Variants in ZC2HC1A observed in about 807,000 individuals in gnomAD.
The protein encoded by ZC2HC1A is zinc finger C2HC domain-containing protein 1A.
A neutral mutation model predicts 40.7 loss-of-function variants in ZC2HC1A; 28 were observed. The ratio of observed to expected loss-of-function variants is 0.69; its 90% CI spans 0.51 to 0.94. The LOEUF is 0.94. ZC2HC1A is among the 40% of genes least tolerant of loss of function. ZC2HC1A has a pLI of 0.00. For synonymous variants in ZC2HC1A, 129 were observed against 129.2 expected, an observed-to-expected ratio of 1.00 and a Z score of 0.01; for missense variants, 389 against 386.3, an observed-to-expected ratio of 1.01 and a Z score of -0.06.
chr8:78,710,059 T>G (rs1810905487), intron 7 of ZC2HC1A, among the ~76,000 whole-genome samples: 1 of 152,198 alleles, frequency 6.6e-6, no homozygotes, highest in Non-Finnish European at 1.5e-5. Context: ...ATGTTAAAGT[T>G]TATTTCAAAT....
intron 7 of ZC2HC1A, among the ~76,000 whole-genome samples, chr8:78,710,977 C>T (rs2130601341): frequency 6.6e-6 from 1 of 152,180 alleles, no homozygotes; most frequent in South Asian, 2.1e-4. Context: ...TCTTTTCAGA[C>T]ACTAAACTCC....
At chr8:78,681,901 C>CTTTTTTTTTTTTTTTTT (rs56181953) in intron 3 of ZC2HC1A, among the ~76,000 whole-genome samples, 5 of 126,470 alleles carry the variant, frequency 4.0e-5, no homozygotes, top group African/African-American at 2.8e-5. Flanking sequence ...CTTTTTCTTT[C>CTTTTTTTTTTTTTTTTT]TTTTTTTTTT....
rs1271124162 is a variant in ZC2HC1A at position 78,696,698 on chromosome 8, G to A, written c.505-709G>A. 5.9e-5 allele frequency among the ~76,000 whole-genome samples: 9 copies of A among 152,288 alleles called. No individual in the cohort carries two copies. In the East Asian group the frequency reaches 1.7e-3, roughly 29 times the overall value. On this transcript the variant is annotated intron_variant, in intron 5 of 8. Transcript: ENST00000263849. ...CATTAATTTAAGATGGTCTGGTGAG[G>A]ATCGTGAAGCCAGAATTAGCTCTTT...
At position 78,719,448 on chromosome 8, in the gene ZC2HC1A, A is replaced by T. The variant is rs1811197736; in HGVS notation, c.*1955A>T. 1 of 151,810 alleles carries T rather than the reference A, an allele frequency of 6.6e-6. No individual in the cohort carries two copies. The highest frequency in any genetic ancestry group is 1.5e-5 in the Non-Finnish European group (1 of 67,704). 9.4% of individuals were successfully genotyped at this position (151,810 alleles called of 1,614,324 possible). A position where few individuals can be genotyped will look rare whatever the true frequency, so the allele number is the denominator to read the frequency against. On this transcript the variant is annotated 3_prime_UTR_variant, in exon 9 of 9. Coordinates refer to ENST00000263849, the MANE Select transcript of ZC2HC1A (RefSeq NM_016010.3). ...TATGACTTACGAAATATGTTGTGAC[A>T]ATATATTTAAATGCATTTTTATATT... is the stretch of plus-strand genomic sequence containing the variant.
intron 7 of ZC2HC1A, among the ~76,000 whole-genome samples, chr8:78,701,806 T>C (rs11988923): frequency 0.16 from 23,964 of 152,224 alleles, 2,054 homozygotes; most frequent in Middle Eastern, 0.3. Context: ...GATTTGCATA[T>C]GCGGAGTCAA....
intron 3 of ZC2HC1A, among the ~76,000 whole-genome samples, chr8:78,686,147 A>G (rs1189080450): frequency 1.3e-5 from 2 of 152,194 alleles, no homozygotes; most frequent in East Asian, 1.9e-4. Flanking sequence ...TATAATGGCA[A>G]TTACATTTTA....
rs1036807732 is a variant in ZC2HC1A, at chr8:78,676,092, A to T, written c.93+229A>T. The T allele has an allele frequency of 1.1e-5, 4 of 353,388 alleles. No homozygotes were observed. In the East Asian group the frequency reaches 1.7e-4, roughly 15 times the overall value. 21.9% of individuals were successfully genotyped at this position (353,388 alleles called of 1,614,324 possible). On this transcript the variant is annotated intron_variant, in intron 2 of 8. Coordinates refer to ENST00000263849, the MANE Select transcript of ZC2HC1A (RefSeq NM_016010.3). ...CTGTTAAAGTTTAAAGGTATTCCTCATTTTACGAGACTCTTACCAAAAACA... is the reference window on the plus strand; with the variant it reads ...CTGTTAAAGTTTAAAGGTATTCCTCTTTTTACGAGACTCTTACCAAAAACA...
intron 7 of ZC2HC1A, among the ~76,000 whole-genome samples, chr8:78,705,107 G>C (rs1317652091): frequency 6.6e-6 from 1 of 152,136 alleles, no homozygotes; most frequent in Non-Finnish European, 1.5e-5. Context: ...TTTCATTTCA[G>C]CTGTCTCAGC....
chr8:78,697,976 G>A (rs1007573175), intron 6 of ZC2HC1A, among the ~76,000 whole-genome samples: 6 of 151,984 alleles, frequency 3.9e-5, no homozygotes, highest in Non-Finnish European at 5.9e-5. Flanking sequence ...CCGTGGTGCC[G>A]AGCCACTTTT....
At chr8:78,693,388 C>T (rs1025884949) in intron 5 of ZC2HC1A, among the ~76,000 whole-genome samples, 16 of 152,274 alleles carry the variant, frequency 1.1e-4, no homozygotes, top group Admixed American at 2.0e-4. Flanking sequence ...TCCTCTCCAG[C>T]ACCTGTTGTT....
At chr8:78,666,412 C>CCCTGGCAAGACGCCTGCA (rs1809299302) in intron 1 of ZC2HC1A, among the ~76,000 whole-genome samples, 3 of 152,234 alleles carry the variant, frequency 2.0e-5, no homozygotes, top group African/African-American at 7.2e-5. Flanking sequence ...CAGATCCTGC[C>CCCTGGCAAGACGCCTGCA]CCTGGCAAGA....
chr8:78,698,587 T>C (rs1810508321), intron 7 of ZC2HC1A, 74 bp downstream of exon 7: 1 of 1,161,194 alleles, frequency 8.6e-7, no homozygotes, highest in Admixed American at 2.8e-5. Flanking sequence ...GTTTTGATAA[T>C]TGCTTTTTCA....
At chr8:78,690,356 A>G (rs1288164736) in intron 5 of ZC2HC1A, among the ~76,000 whole-genome samples, 2 of 152,112 alleles carry the variant, frequency 1.3e-5, no homozygotes, top group Non-Finnish European at 2.9e-5. Context: ...GTCAGGAGAT[A>G]AAGACCATCC....
rs201339378 is a variant in ZC2HC1A at position 78,669,970 on chromosome 8, TC to T, written c.16+3807del. ...GTATTTCTTTCTTTCTTTCTTTCTTTCTTTTTTTTTTTTTGATACGGAGTTT... is the reference window on the plus strand; with the variant it reads ...GTATTTCTTTCTTTCTTTCTTTCTTTTTTTTTTTTTTTTGATACGGAGTTT... On this transcript the variant is annotated intron_variant, in intron 1 of 8. Transcript: ENST00000263849. Among the ~76,000 whole-genome samples, 541 of 135,820 alleles carry T rather than the reference TC, an allele frequency of 4.0e-3. 2 individuals are homozygous for T. Among genetic ancestry groups the T allele is most frequent in the African/African-American group, 0.013 (399 of 29,738 alleles). The allele number at this position is 135,820 out of a possible 152,430, so 89.1% of individuals were successfully genotyped here. A position where few individuals can be genotyped will look rare whatever the true frequency, so the allele number is the denominator to read the frequency against.
At chr8:78,675,562 A>G (rs1338990316) in intron 1 of ZC2HC1A, among the ~76,000 whole-genome samples, 4 of 152,142 alleles carry the variant, frequency 2.6e-5, no homozygotes, top group African/African-American at 9.6e-5. Context: ...ATCAGTTTGG[A>G]TATCTTTAAA....
At chr8:78,686,764 A>G (rs1446725110) in intron 4 of ZC2HC1A, among the ~76,000 whole-genome samples, 156 bp downstream of exon 4, 1 of 152,188 alleles carries the variant, frequency 6.6e-6, no homozygotes, top group African/African-American at 2.4e-5. Context: ...TAATCTAGTC[A>G]TGTAGGCTTA....
intron 7 of ZC2HC1A, among the ~76,000 whole-genome samples, chr8:78,703,063 A>G (rs1810658947): frequency 6.6e-6 from 1 of 151,836 alleles, no homozygotes; most frequent in Admixed American, 6.6e-5. Context: ...CACCTGGCTA[A>G]TTTTTGTATT....
Position 78,678,550 on chromosome 8 carries a change from T to A in ZC2HC1A, c.94-13T>A. ...AAAAGAAAATGATAGGCTGCATTTCTTTATCTTAACAGAAAAAACATGGAC... is the reference window on the plus strand; with the variant it reads ...AAAAGAAAATGATAGGCTGCATTTCATTATCTTAACAGAAAAAACATGGAC... On this transcript the variant is annotated splice_polypyrimidine_tract_variant and intron_variant, in intron 2 of 8. Coordinates refer to ENST00000263849, the MANE Select transcript of ZC2HC1A (RefSeq NM_016010.3). The A allele has an allele frequency of 6.3e-7, 1 of 1,594,152 alleles. No individual in the cohort carries two copies.
intron 8 of ZC2HC1A, among the ~76,000 whole-genome samples, chr8:78,715,960 A>C (rs996554232): frequency 6.7e-6 from 1 of 149,288 alleles, no homozygotes; most frequent in African/African-American, 2.5e-5. Flanking sequence ...GAATTGCTTG[A>C]ACCTGGGAGG....
Sources: gnomAD v4.1 joint callset for allele counts (sites outside exome capture counted in the v4.1 genomes callset) on GRCh38, gnomAD v4.1.1 for gene constraint, MANE v1.5 for transcripts, NCBI Gene and HGNC (gene_info 2026-07-23, HGNC 2026-07-21) for gene names.